The following SUGCT variants were observed in gnomAD, a reference collection of about 807,000 sequenced individuals.
SUGCT encodes succinyl-CoA:glutarate CoA-transferase.
SUGCT carries 41 observed loss-of-function variants against 55.0 expected under a neutral mutation model. The ratio of observed to expected loss-of-function variants is 0.74; its 90% CI spans 0.58 to 0.97. The LOEUF (loss-of-function observed/expected upper bound fraction) is 0.97. SUGCT is among the 50% of genes least tolerant of loss of function. SUGCT has a pLI of 0.00. For synonymous variants in SUGCT, 187 were observed against 200.4 expected (o/e 0.93, Z 0.56); for missense variants, 568 against 547.8 (o/e 1.04, Z -0.37).
chr7:41,012,018 G>A, the SUGCT span, among the ~76,000 whole-genome samples: 3 of 151,942 alleles, frequency 2.0e-5, no homozygotes, highest in Non-Finnish European at 4.4e-5. Flanking sequence ...CATCTTTCTC[G>A]AGTGCAGCCC....
chr7:40,422,401 A>G (rs937569623), intron 9 of SUGCT, among the ~76,000 whole-genome samples: 1 of 152,184 alleles, frequency 6.6e-6, no homozygotes, highest in Non-Finnish European at 1.5e-5. Flanking sequence ...CTTCCATGGA[A>G]TCTTGTATAA....
At chr7:40,863,451 G>C (rs553453327), downstream of SUGCT, among the ~76,000 whole-genome samples, 4 of 152,222 alleles carry the variant, frequency 2.6e-5, no homozygotes, top group Admixed American at 2.6e-4. Flanking sequence ...GAAACTTTCA[G>C]GTCCCACGTG....
At chr7:40,249,317 A>ATATCTATATATATATATC (rs1562611996) in intron 7 of SUGCT, among the ~76,000 whole-genome samples, 387 of 21,500 alleles carry the variant, frequency 0.018, 9 homozygotes, top group Middle Eastern at 0.054. Flanking sequence ...AAAAAGCTAT[A>ATATCTATATATATATATC]TATATATATA....
chr7:40,877,447 C>T, the SUGCT span, among the ~76,000 whole-genome samples: 49 of 152,148 alleles, frequency 3.2e-4, no homozygotes, highest in African/African-American at 1.1e-3. Context: ...TGATAATGTA[C>T]TGCAGGGAAT....
At chr7:40,943,268 T>TA in the SUGCT span, among the ~76,000 whole-genome samples, 4 of 151,072 alleles carry the variant, frequency 2.6e-5, no homozygotes, top group Admixed American at 6.6e-5. Context: ...GTGACTTTAT[T>TA]TTATTATTAT....
chr7:40,280,128 A>G (rs1792855173), intron 8 of SUGCT, among the ~76,000 whole-genome samples: 1 of 152,222 alleles, frequency 6.6e-6, no homozygotes, highest in Non-Finnish European at 1.5e-5. Context: ...TAACTCAGAA[A>G]TGATTGCCTC....
At chr7:40,593,496 A>T (rs1797839943) in intron 12 of SUGCT, among the ~76,000 whole-genome samples, 1 of 152,128 alleles carries the variant, frequency 6.6e-6, no homozygotes, top group Non-Finnish European at 1.5e-5. Context: ...GTTTGAGAAC[A>T]CTCTAATAAA....
At chr7:40,370,496 A>G (rs1481493669) in intron 9 of SUGCT, among the ~76,000 whole-genome samples, 1 of 152,054 alleles carries the variant, frequency 6.6e-6, no homozygotes, top group Non-Finnish European at 1.5e-5. Flanking sequence ...GAAGGAAAAA[A>G]CATACCTAGA....
At chr7:40,882,581 T>C in the SUGCT span, among the ~76,000 whole-genome samples, 5 of 152,284 alleles carry the variant, frequency 3.3e-5, no homozygotes. Flanking sequence ...ACAATAAAGC[T>C]CTTTGATTAA....
At chr7:40,488,704 C>T (rs979245265) in intron 11 of SUGCT, among the ~76,000 whole-genome samples, 4 of 152,088 alleles carry the variant, frequency 2.6e-5, no homozygotes, top group Non-Finnish European at 4.4e-5. Context: ...CTTTATTTCT[C>T]CTTTATTTCT....
intron 12 of SUGCT, among the ~76,000 whole-genome samples, chr7:40,700,106 G>A (rs147063418): frequency 6.6e-6 from 1 of 152,280 alleles, no homozygotes; most frequent in East Asian, 1.9e-4. Context: ...GGAGGAAGAT[G>A]ACATTGATAA....
chr7:40,317,278 G>T (rs1274142145), intron 9 of SUGCT, among the ~76,000 whole-genome samples: 1 of 152,064 alleles, frequency 6.6e-6, no homozygotes, highest in Non-Finnish European at 1.5e-5. Flanking sequence ...GAAAATTTGC[G>T]TGTGATGGTT....
chr7:40,626,864 T>C (rs1799551447), intron 12 of SUGCT, among the ~76,000 whole-genome samples: 1 of 152,198 alleles, frequency 6.6e-6, no homozygotes, highest in Non-Finnish European at 1.5e-5. Flanking sequence ...CAATAAATAC[T>C]AGTTCCTTTC....
chr7:40,167,029 C>G (rs556471018), intron 1 of SUGCT, among the ~76,000 whole-genome samples: 1 of 152,296 alleles, frequency 6.6e-6, no homozygotes, highest in East Asian at 1.9e-4. Flanking sequence ...TATAACTCAG[C>G]CATTCCGCTA....
Position 40,446,017 on chromosome 7 carries a change from A to T in SUGCT, c.817-3270A>T, listed in dbSNP as rs550029649. The stretch of plus-strand genomic sequence containing the variant: ...GATATTAACAAGGGTACAGATGAAG[A>T]GATGTGTATTGTAAGGTATAGGGAG... On this transcript the variant is annotated intron_variant, in intron 9 of 13. Transcript: ENST00000335693. Among the ~76,000 whole-genome samples, 3 of 152,222 alleles carry T rather than the reference A, an allele frequency of 2.0e-5. No homozygotes were observed. The South Asian group carries it at 6.2e-4, about 32-fold the overall frequency.
intron 13 of SUGCT, among the ~76,000 whole-genome samples, chr7:40,828,576 T>TAAAAAAAA (rs11419901): frequency 2.2e-5 from 2 of 89,958 alleles, no homozygotes. Context: ...CTTGCTACAG[T>TAAAAAAAA]AAAAAAAAAA....
intron 9 of SUGCT, among the ~76,000 whole-genome samples, chr7:40,362,829 A>G (rs945067441): frequency 3.3e-5 from 5 of 152,180 alleles, no homozygotes; most frequent in African/African-American, 1.2e-4. Context: ...GTCTTGATCT[A>G]TATGGTGTGA....
intron 12 of SUGCT, among the ~76,000 whole-genome samples, chr7:40,648,651 G>A (rs1287062255): frequency 2.6e-5 from 4 of 152,212 alleles, no homozygotes; most frequent in Admixed American, 1.3e-4. Flanking sequence ...CAAGGAGAGC[G>A]TTTTTGTCCT....
chr7:40,468,708 C>T (rs1021547619), intron 11 of SUGCT, among the ~76,000 whole-genome samples: 2 of 145,560 alleles, frequency 1.4e-5, no homozygotes, highest in African/African-American at 2.5e-5. Context: ...GAGGTTTTAC[C>T]ATTAAAGATT....
Sources: allele counts gnomAD v4.1 joint callset (sites outside exome capture counted in the v4.1 genomes callset), GRCh38; gene constraint gnomAD v4.1.1; transcripts MANE v1.5; gene names NCBI Gene and HGNC (gene_info 2026-07-23, HGNC 2026-07-21).